Variants in SGCD observed in about 807,000 individuals in gnomAD.
SGCD encodes sarcoglycan delta.
SGCD carries 18 observed loss-of-function variants against 36.6 expected under a neutral mutation model. The observed-to-expected ratio is 0.49, with a 90% confidence interval of 0.34 to 0.73. SGCD has a LOEUF of 0.73. SGCD is among the 30% of genes least tolerant of loss of function. The pLI is 0.01. For missense variants in SGCD, 387 were observed against 346.7 expected, an observed-to-expected ratio of 1.12 and a Z score of -0.92; for synonymous variants, 133 against 130.6, an observed-to-expected ratio of 1.02 and a Z score of -0.12.
intron 5 of SGCD, among the ~76,000 whole-genome samples, chr5:156,590,751 C>G (rs1341456682): frequency 6.6e-6 from 1 of 150,866 alleles, no homozygotes; most frequent in Non-Finnish European, 1.5e-5. Flanking sequence ...TTTTTTTCCC[C>G]CCACTCTTCC....
At chr5:156,505,458 T>C (rs1056664143) in intron 3 of SGCD, among the ~76,000 whole-genome samples, 5 of 152,202 alleles carry the variant, frequency 3.3e-5, no homozygotes, top group African/African-American at 7.2e-5. Flanking sequence ...ACTGAACGTG[T>C]TGAGGTATAC....
intron 1 of SGCD, among the ~76,000 whole-genome samples, chr5:155,946,254 T>A (rs969421714): frequency 2.0e-5 from 3 of 152,194 alleles, no homozygotes; most frequent in Non-Finnish European, 2.9e-5. Flanking sequence ...TTTATTTCAT[T>A]TAATTATCAT....
chr5:156,048,335 C>T (rs1048519191), intron 1 of SGCD, among the ~76,000 whole-genome samples: 2 of 152,122 alleles, frequency 1.3e-5, no homozygotes, highest in African/African-American at 4.8e-5. Context: ...TGGGTATATA[C>T]CCAGTAATGA....
intron 1 of SGCD, among the ~76,000 whole-genome samples, chr5:155,945,212 C>G (rs1346337360): frequency 6.6e-6 from 1 of 151,980 alleles, no homozygotes; most frequent in African/African-American, 2.4e-5. Context: ...GTTAATACTG[C>G]CAAATGAACT....
intron 1 of SGCD, among the ~76,000 whole-genome samples, chr5:156,020,488 A>C (rs779973806): frequency 1.4e-5 from 2 of 148,028 alleles, no homozygotes; most frequent in African/African-American, 5.0e-5. Flanking sequence ...CATCAACTAA[A>C]TATTTTAGTT....
intron 1 of SGCD, among the ~76,000 whole-genome samples, chr5:155,922,561 A>G (rs1756899497): frequency 6.6e-6 from 1 of 152,230 alleles, no homozygotes; most frequent in African/African-American, 2.4e-5. Flanking sequence ...AGAACAGAAT[A>G]CAAATTCAAG....
chr5:156,211,664 A>G (rs1764447946), intron 3 of SGCD, among the ~76,000 whole-genome samples: 1 of 151,968 alleles, frequency 6.6e-6, no homozygotes, highest in Non-Finnish European at 1.5e-5. Context: ...ACTAAAACAT[A>G]TGAAAGTATA....
At chr5:155,755,759 A>G in the SGCD span, among the ~76,000 whole-genome samples, 6 of 152,200 alleles carry the variant, frequency 3.9e-5, no homozygotes, top group Non-Finnish European at 8.8e-5. Flanking sequence ...TCTCTTTTAC[A>G]GGGATCTCTC....
At chr5:156,453,454 A>G (rs1754114779) in intron 3 of SGCD, among the ~76,000 whole-genome samples, 2 of 152,200 alleles carry the variant, frequency 1.3e-5, no homozygotes, top group African/African-American at 2.4e-5. Context: ...GTAAACATGA[A>G]TGTTCATAGT....
intron 1 of SGCD, among the ~76,000 whole-genome samples, chr5:155,917,593 A>C (rs563598876): frequency 6.6e-6 from 1 of 152,328 alleles, no homozygotes; most frequent in East Asian, 1.9e-4. Flanking sequence ...TTCAATGGAA[A>C]TAAAACATAC....
chr5:156,150,257 A>G (rs1762802995), intron 3 of SGCD, among the ~76,000 whole-genome samples: 1 of 147,884 alleles, frequency 6.8e-6, no homozygotes, highest in Admixed American at 6.7e-5. Flanking sequence ...TTACTAGTCC[A>G]CCCACTTGGG....
rs865790791 is a variant in SGCD at position 156,516,299 on chromosome 5, C to T, written c.294+7597C>T. On this transcript the variant is annotated intron_variant, in intron 4 of 8. Coordinates refer to ENST00000337851, the MANE Select transcript of SGCD (RefSeq NM_000337.6). ...ATTCCAGCCAGCATCAAGTCACTAC[C>T]CTTCTGGGACAGAGCTCCCAGAGGA... Among the ~76,000 whole-genome samples the T allele has an allele frequency of 2.6e-5, 4 of 152,294 alleles. No individual in the cohort carries two copies. The South Asian group carries it at 8.3e-4, about 32-fold the overall frequency.
the SGCD span, among the ~76,000 whole-genome samples, chr5:155,855,484 T>C: frequency 6.6e-6 from 1 of 152,214 alleles, no homozygotes; most frequent in African/African-American, 2.4e-5. Flanking sequence ...TACCTCAAAG[T>C]CAGCTTCTGG....
At chr5:156,155,755 G>C (rs1762943262) in intron 3 of SGCD, among the ~76,000 whole-genome samples, 1 of 151,596 alleles carries the variant, frequency 6.6e-6, no homozygotes, top group African/African-American at 2.4e-5. Flanking sequence ...GATGGAGCTT[G>C]TCGAAAGACT....
chr5:156,279,509 G>A (rs1766394548), intron 3 of SGCD, among the ~76,000 whole-genome samples: 1 of 152,108 alleles, frequency 6.6e-6, no homozygotes, highest in African/African-American at 2.4e-5. Flanking sequence ...ATGGTGAAAT[G>A]AACAAAGTAC....
intron 1 of SGCD, among the ~76,000 whole-genome samples, chr5:156,089,209 TTTTAAAGAGGC>T (rs1761176865): frequency 6.6e-6 from 1 of 152,222 alleles, no homozygotes; most frequent in Admixed American, 6.5e-5. Flanking sequence ...CCATATGTAA[TTTTAAAGAGGC>T]TCAATACAAG....
the SGCD span, among the ~76,000 whole-genome samples, chr5:155,840,585 G>A: frequency 1.3e-4 from 15 of 111,188 alleles, no homozygotes; most frequent in South Asian, 3.0e-4. Context: ...CACTGCACCC[G>A]GCTTGTGTGT....
intron 3 of SGCD, among the ~76,000 whole-genome samples, chr5:156,446,399 G>A (rs1753757248): frequency 6.6e-6 from 1 of 152,006 alleles, no homozygotes; most frequent in Non-Finnish European, 1.5e-5. Context: ...TGGACCTTAG[G>A]GTGTGGAGAG....
intron 3 of SGCD, among the ~76,000 whole-genome samples, chr5:156,181,869 A>G (rs1237221453): frequency 6.6e-6 from 1 of 152,214 alleles, no homozygotes; most frequent in East Asian, 1.9e-4. Context: ...AGTTTAGCTA[A>G]TCATTTATGA....
Sources: allele counts gnomAD v4.1 joint callset (sites outside exome capture counted in the v4.1 genomes callset), GRCh38; gene constraint gnomAD v4.1.1; transcripts MANE v1.5; gene names NCBI Gene and HGNC (gene_info 2026-07-23, HGNC 2026-07-21).